Variants in DCLK3 observed in about 807,000 individuals in gnomAD.
DCLK3 encodes doublecortin like kinase 3.
DCLK3 carries 30 observed loss-of-function variants against 46.4 expected under a neutral mutation model. The ratio of observed to expected loss-of-function variants is 0.65; its 90% confidence interval spans 0.48 to 0.88. The LOEUF is 0.88. Ranked by LOEUF, DCLK3 falls within the 40% of genes least tolerant of loss-of-function variation. The pLI, the probability that DCLK3 is intolerant of heterozygous loss-of-function variation, is 0.00. For synonymous variants in DCLK3, 401 were observed against 339.2 expected (o/e 1.18, Z -2.00); for missense variants, 846 against 907.1 (o/e 0.93, Z 0.87).
intron 1 of DCLK3, among the ~76,000 whole-genome samples, chr3:36,760,196 C>T (rs565850386): frequency 4.1e-4 from 62 of 152,282 alleles, no homozygotes; most frequent in African/African-American, 1.5e-3. Flanking sequence ...AGGCCTGAAC[C>T]CTCCCCATCA....
intron 4 of DCLK3, 41 bp downstream of exon 4, chr3:36,717,969 C>G (rs747827180): frequency 6.2e-7 from 1 of 1,611,616 alleles, no homozygotes; most frequent in South Asian, 1.1e-5. Flanking sequence ...CCTGAAAAAC[C>G]CATCCGCTCC....
At chr3:36,723,341 G>A (rs1458355397) in intron 2 of DCLK3, among the ~76,000 whole-genome samples, 1 of 152,196 alleles carries the variant, frequency 6.6e-6, no homozygotes, top group South Asian at 2.1e-4. Flanking sequence ...AAAATTTGCA[G>A]CCTGACAATG....
intron 2 of DCLK3, among the ~76,000 whole-genome samples, chr3:36,736,103 A>G (rs1701259094): frequency 6.6e-6 from 1 of 152,220 alleles, no homozygotes; most frequent in African/African-American, 2.4e-5. Context: ...TTACCGACTC[A>G]TTGTCATAAG....
intron 1 of DCLK3, among the ~76,000 whole-genome samples, chr3:36,760,066 G>A (rs112159804): frequency 7.2e-5 from 11 of 152,304 alleles, no homozygotes; most frequent in African/African-American, 2.4e-4. Context: ...CCAGGAGGCT[G>A]GTCCTAGGGC....
Position 36,744,801 on chromosome 3 carries a change from T to C in DCLK3, c.83-5717A>G, listed in dbSNP as rs115900565. On this transcript the variant is annotated intron_variant, in intron 1 of 4. Transcript: ENST00000636136. Reference sequence around the variant, plus strand: ...CACAGTGATTGAAATAAAAAACCAGTAGGGACGGGATCATAAAAGAAACAC... The same window carrying C: ...CACAGTGATTGAAATAAAAAACCAGCAGGGACGGGATCATAAAAGAAACAC... Among the ~76,000 whole-genome samples the C allele has an allele frequency of 8.5e-3, 1,293 of 152,208 alleles. 21 individuals are homozygous for C. Among genetic ancestry groups the C allele is most frequent in the African/African-American group, 0.03 (1,229 of 41,526 alleles).
rs554829519 is a variant in DCLK3 at position 36,723,631 on chromosome 3, G to A, written c.1960-1972C>T. Among the ~76,000 whole-genome samples the A allele has an allele frequency of 7.2e-5, 11 of 152,308 alleles. No homozygotes were observed. The East Asian group carries it at 1.2e-3, about 16-fold the overall frequency. Reference sequence around the variant, plus strand: ...CCAGCCATGGCTGAAAGGGGCAAACGTAGAGCTCGAGTTGTGGCTTCAGAG... The same window carrying A: ...CCAGCCATGGCTGAAAGGGGCAAACATAGAGCTCGAGTTGTGGCTTCAGAG... On this transcript the variant is annotated intron_variant, in intron 2 of 4. Transcript: ENST00000636136.
At chr3:36,760,240 A>G (rs1359695288) in intron 1 of DCLK3, among the ~76,000 whole-genome samples, 1 of 152,196 alleles carries the variant, frequency 6.6e-6, no homozygotes, top group African/African-American at 2.4e-5. Flanking sequence ...AGGTCCCACA[A>G]AGGACTCAGG....
intron 1 of DCLK3, among the ~76,000 whole-genome samples, chr3:36,749,775 A>G (rs913950125): frequency 1.2e-4 from 18 of 152,248 alleles, no homozygotes; most frequent in African/African-American, 4.1e-4. Context: ...ACTTCTTGAT[A>G]AGACAACCTC....
In DCLK3 at chr3:36,738,222, CCT is replaced by C. The variant is rs1455001221; in HGVS notation, c.943_944del (p.Arg315GlyfsTer9). The C allele has an allele frequency of 1.9e-6, 3 of 1,604,560 alleles. No homozygotes were observed. The highest frequency in any genetic ancestry group is 1.1e-5 in the South Asian group (1 of 89,172). ...CACGCTCCAGGCTCTGCTGGAGCTC[CCT>C]CTCTCTCTTGCACTTCTCGCATCTG... ...IIRCEKCKRE[R>X]ELQQSLERER... On this transcript the variant is annotated frameshift_variant, in exon 2 of 5. Coordinates refer to ENST00000636136, the MANE Select transcript of DCLK3 (RefSeq NM_001394672.2). LOFTEE classifies it high-confidence loss of function.
chr3:36,722,457 A>G (rs1701073352), intron 2 of DCLK3, among the ~76,000 whole-genome samples: 1 of 152,234 alleles, frequency 6.6e-6, no homozygotes, highest in Admixed American at 6.5e-5. Context: ...TATGCATTGC[A>G]TGCCTGTATC....
chr3:36,734,260 T>A (rs181383725), intron 2 of DCLK3, among the ~76,000 whole-genome samples: 64 of 152,274 alleles, frequency 4.2e-4, no homozygotes, highest in African/African-American at 1.4e-3. Context: ...TCTACCTCTG[T>A]CTGAAAAACC....
chr3:36,715,267 T>A lies in DCLK3; in HGVS notation c.*61A>T, dbSNP rs1700960421. The A allele has an allele frequency of 6.3e-7, 1 of 1,574,962 alleles. No individual in the cohort carries two copies. The highest frequency in any genetic ancestry group is 8.6e-7 in the Non-Finnish European group (1 of 1,162,100). On this transcript the variant is annotated 3_prime_UTR_variant, in exon 5 of 5. Coordinates refer to ENST00000636136, the MANE Select transcript of DCLK3 (RefSeq NM_001394672.2). ...CTCTTTCATTGTTTTTCTCTCAAAC[T>A]TCTATCCTTTTCTCTGTCCTTGAGC...
intron 1 of DCLK3, among the ~76,000 whole-genome samples, chr3:36,760,761 T>C (rs917371971): frequency 6.6e-6 from 1 of 152,200 alleles, no homozygotes; most frequent in African/African-American, 2.4e-5. Flanking sequence ...TGTCCAGCAA[T>C]ATTCAAAAAG....
At chr3:36,752,908 G>A (rs948010495) in intron 1 of DCLK3, among the ~76,000 whole-genome samples, 7 of 152,202 alleles carry the variant, frequency 4.6e-5, no homozygotes, top group African/African-American at 1.7e-4. Context: ...ACAGTGGCAT[G>A]TAGCAGACAA....
At position 36,737,074 on chromosome 3, in the gene DCLK3, G is replaced by A; in HGVS notation, c.1959+134C>T. On this transcript the variant is annotated intron_variant, in intron 2 of 4. Transcript: ENST00000636136. This position sits in a 1 kb window ranked among gnomAD's most constrained non-coding sequence, Gnocchi z 4.4. ...ACCTATAACCATAGTTTTAAATACT[G>A]GAACAAGTATGTTATAATAACATAA... 6 of 1,268,368 alleles carry A rather than the reference G, an allele frequency of 4.7e-6. No individual in the cohort carries two copies. The highest frequency in any genetic ancestry group is 5.3e-6 in the Non-Finnish European group (5 of 938,160). 78.6% of individuals were successfully genotyped at this position (1,268,368 alleles called of 1,614,324 possible). A position where few individuals can be genotyped will look rare whatever the true frequency, so the allele number is the denominator to read the frequency against.
chr3:36,751,214 G>C (rs936153779), intron 1 of DCLK3, among the ~76,000 whole-genome samples: 2 of 152,078 alleles, frequency 1.3e-5, no homozygotes, highest in Non-Finnish European at 2.9e-5. Context: ...CAAAAGAAGA[G>C]AAGGCATGGT....
At chr3:36,734,612 G>T (rs939700175) in intron 2 of DCLK3, among the ~76,000 whole-genome samples, 5 of 152,052 alleles carry the variant, frequency 3.3e-5, no homozygotes, top group African/African-American at 9.7e-5. Flanking sequence ...AAAAGAAAGG[G>T]TCTACATATC....
At chr3:36,760,081 G>T (rs1701525509) in intron 1 of DCLK3, among the ~76,000 whole-genome samples, 1 of 152,182 alleles carries the variant, frequency 6.6e-6, no homozygotes, top group Non-Finnish European at 1.5e-5. Flanking sequence ...TAGGGCATTT[G>T]AAGGAAGCTG....
intron 2 of DCLK3, among the ~76,000 whole-genome samples, chr3:36,728,017 G>T (rs770582135): frequency 6.6e-6 from 1 of 152,124 alleles, no homozygotes; most frequent in East Asian, 1.9e-4. Context: ...AACAAAAAAC[G>T]TGTCTCAAAC....
Sources: allele counts gnomAD v4.1 joint callset (sites outside exome capture counted in the v4.1 genomes callset), GRCh38; gene constraint gnomAD v4.1.1; non-coding constraint Gnocchi (gnomAD v3.1); transcripts MANE v1.5; gene names NCBI Gene and HGNC (gene_info 2026-07-23, HGNC 2026-07-21).